The following PCSK6 variants were observed in gnomAD, a reference collection of about 807,000 sequenced individuals.
PCSK6 encodes proprotein convertase subtilisin/kexin type 6, also known as paired basic amino acid cleaving enzyme 4.
PCSK6 carries 85 observed loss-of-function variants against 123.3 expected under a neutral mutation model. The observed-to-expected ratio is 0.69, with a 90% CI of 0.58 to 0.83. The LOEUF (loss-of-function observed/expected upper bound fraction) is 0.83. Among genes scored for constraint, PCSK6 ranks in the 40% least tolerant of loss-of-function variants. The pLI is 0.00. For missense variants in PCSK6, 1,191 were observed against 1,282.3 expected, an observed-to-expected ratio of 0.93 and a Z score of 1.09; for synonymous variants, 508 against 516.0, an observed-to-expected ratio of 0.98 and a Z score of 0.21.
Position 101,489,431 on chromosome 15 carries a change from GC to G in PCSK6, c.239del (p.Gly80AlafsTer41). On this transcript the variant is annotated frameshift_variant, in exon 1 of 22. Transcript: ENST00000611716. LOFTEE classifies it high-confidence loss of function. ...CCACGCGGTCCGCCTCGGCCGGGCC[GC>G]CCAGCACTTGCACCGCCCAGTGGTT... ...YTNHWAVQVL[G>X]GPAEADRVAA... 3 of 1,275,148 alleles carry G rather than the reference GC, an allele frequency of 2.4e-6. No individual in the cohort carries two copies. Among genetic ancestry groups the G allele is most frequent in the Non-Finnish European group, 1.0e-6 (1 of 997,438 alleles). The allele number at this position is 1,275,148 out of a possible 1,614,324, so 79.0% of individuals were successfully genotyped here.
At chr15:101,315,853 C>T (rs1325180003) in intron 19 of PCSK6, among the ~76,000 whole-genome samples, 2 of 152,262 alleles carry the variant, frequency 1.3e-5, no homozygotes, top group Non-Finnish European at 2.9e-5. Flanking sequence ...TTACAACCTC[C>T]ATGCCAGGAC....
chr15:101,322,273 C>T (rs530073825), intron 18 of PCSK6, among the ~76,000 whole-genome samples: 204 of 152,308 alleles, frequency 1.3e-3, no homozygotes, highest in African/African-American at 4.8e-3. Flanking sequence ...CTGTGCTGTA[C>T]GTGATGTGAT....
chr15:101,488,772 C>T (rs2058082153), intron 1 of PCSK6, among the ~76,000 whole-genome samples: 1 of 151,854 alleles, frequency 6.6e-6, no homozygotes, highest in African/African-American at 2.4e-5. Flanking sequence ...CCGACGGCGG[C>T]CGGGCTCCAG....
chr15:101,411,539 G>A (rs944698646), intron 6 of PCSK6, among the ~76,000 whole-genome samples: 2 of 152,160 alleles, frequency 1.3e-5, no homozygotes, highest in Non-Finnish European at 2.9e-5. Context: ...AGGGGTGGAC[G>A]ACCAAGAAGC....
At chr15:101,366,409 G>T (rs2041392845) in intron 12 of PCSK6, 77 bp from the exon 13 acceptor site, 1 of 1,471,458 alleles carries the variant, frequency 6.8e-7, no homozygotes. Flanking sequence ...CACAAGCAGG[G>T]CTCTCGGGGG....
At chr15:101,405,534 A>C (rs957899442) in intron 6 of PCSK6, among the ~76,000 whole-genome samples, 1 of 152,186 alleles carries the variant, frequency 6.6e-6, no homozygotes, top group Admixed American at 6.5e-5. Flanking sequence ...GCAGCTGCCC[A>C]CAGAAGCTCC....
intron 11 of PCSK6, among the ~76,000 whole-genome samples, chr15:101,379,336 A>T (rs2041845089): frequency 6.6e-6 from 1 of 152,162 alleles, no homozygotes; most frequent in Admixed American, 6.5e-5. Context: ...ACCATGTGTG[A>T]CGTCACCATA....
At chr15:101,384,517 C>T (rs958462891) in intron 9 of PCSK6, 92 bp from the exon 10 acceptor site, 41 of 964,740 alleles carry the variant, frequency 4.2e-5, no homozygotes, top group East Asian at 1.5e-4. Context: ...AGCCAACCCA[C>T]GTCTGAACTT....
In PCSK6 at chr15:101,305,410, G is replaced by T; in HGVS notation, c.2813-55C>A. The T allele has an allele frequency of 2.0e-6, 3 of 1,465,888 alleles. No homozygotes were observed. The highest frequency in any genetic ancestry group is 2.8e-6 in the Non-Finnish European group (3 of 1,064,164). 90.8% of individuals were successfully genotyped at this position (1,465,888 alleles called of 1,614,324 possible). A position where few individuals can be genotyped will look rare whatever the true frequency, so the allele number is the denominator to read the frequency against. ...AGGGAAAGGTCAGTCTTCGGTGCCT[G>T]TGAAGATTGTTTCAAGGCCGGGCGC... is the stretch of plus-strand genomic sequence containing the variant. On this transcript the variant is annotated intron_variant, in intron 21 of 21. Coordinates refer to ENST00000611716, the MANE Select transcript of PCSK6 (RefSeq NM_002570.5). This position sits in a 1 kb window ranked among gnomAD's most constrained non-coding sequence, Gnocchi z 4.8.
intron 6 of PCSK6, among the ~76,000 whole-genome samples, chr15:101,413,568 C>T (rs975867975): frequency 2.0e-5 from 3 of 152,214 alleles, no homozygotes; most frequent in African/African-American, 7.2e-5. Context: ...TATTAACCAT[C>T]TAAATATAGT....
intron 12 of PCSK6, among the ~76,000 whole-genome samples, chr15:101,370,059 A>G (rs114524031): frequency 0.024 from 3,669 of 152,344 alleles, 96 homozygotes; most frequent in African/African-American, 0.066. Flanking sequence ...GCTAAACAAC[A>G]AAAAACGAAA....
chr15:101,317,770 C>A (rs2040025750), intron 19 of PCSK6, among the ~76,000 whole-genome samples: 1 of 152,196 alleles, frequency 6.6e-6, no homozygotes, highest in African/African-American at 2.4e-5. Flanking sequence ...CTAATGAGAA[C>A]CTCAGGCTGC....
Position 101,455,875 on chromosome 15 carries a change from G to A in PCSK6, c.298-12215C>T, listed in dbSNP as rs1275241999. ...CCGGTTGCAAAGCATATCTTGGCTT[G>A]TAAACTAAAAATAGACTTTGTGCAA... On this transcript the variant is annotated intron_variant, in intron 1 of 21. Transcript: ENST00000611716. Among the ~76,000 whole-genome samples, 9 of 152,204 alleles carry A rather than the reference G, an allele frequency of 5.9e-5. No homozygotes were observed. In the East Asian group the frequency reaches 7.7e-4, roughly 13 times the overall value.
intron 6 of PCSK6, among the ~76,000 whole-genome samples, chr15:101,425,139 A>G (rs2056212711): frequency 6.6e-6 from 1 of 152,184 alleles, no homozygotes; most frequent in African/African-American, 2.4e-5. Context: ...GAGAGTGCTG[A>G]GGAGACAATT....
Position 101,480,427 on chromosome 15 carries a change from C to T in PCSK6, c.297+8947G>A, listed in dbSNP as rs149533852. Among the ~76,000 whole-genome samples the T allele has an allele frequency of 1.1e-3, 172 of 152,350 alleles. 4 individuals carry two copies. In the East Asian group the frequency reaches 0.024, roughly 22 times the overall value. On this transcript the variant is annotated intron_variant, in intron 1 of 21. Coordinates refer to ENST00000611716, the MANE Select transcript of PCSK6 (RefSeq NM_002570.5). ...AAGACAATGAGACTTTCTTCCTTTC[C>T]ACGGTGCCCCTGTCTTGACACTGAG...
chr15:101,397,514 C>G (rs2042448206), intron 7 of PCSK6, among the ~76,000 whole-genome samples: 1 of 152,170 alleles, frequency 6.6e-6, no homozygotes, highest in Non-Finnish European at 1.5e-5. Context: ...CCATCCCCCA[C>G]AGGAGGAGTC....
In PCSK6 at chr15:101,489,427, G is replaced by T; in HGVS notation, c.244C>A (p.Pro82Thr). 1 of 1,279,918 alleles carries T rather than the reference G, an allele frequency of 7.8e-7. No homozygotes were observed. The highest frequency in any genetic ancestry group is 1.0e-6 in the Non-Finnish European group (1 of 1,000,068). The allele number at this position is 1,279,918 out of a possible 1,614,324, so 79.3% of individuals were successfully genotyped here. The change falls in exon 1 of 22, where the codon CCG (proline) becomes ACG (threonine). Residue 82 changes from proline to threonine, a missense_variant. Physicochemically the swap from Pro to Thr is conservative, Grantham distance 38 (BLOSUM62 -1). This residue lies in a region of PCSK6 where 204 missense variants were observed against 166.4 expected (regional missense o/e 1.23). Coordinates refer to ENST00000611716, the MANE Select transcript of PCSK6 (RefSeq NM_002570.5). ...NHWAVQVLGGPAEADRVAAAH... is the reference protein window; with the variant it reads ...NHWAVQVLGGTAEADRVAAAH... ...GCCGCCACGCGGTCCGCCTCGGCCG[G>T]GCCGCCCAGCACTTGCACCGCCCAG...
chr15:101,348,785 G>A (rs2040814606), intron 13 of PCSK6, among the ~76,000 whole-genome samples: 1 of 152,148 alleles, frequency 6.6e-6, no homozygotes. Context: ...CCAGGAAGCG[G>A]CCAGCTGAAC....
intron 9 of PCSK6, among the ~76,000 whole-genome samples, 181 bp downstream of exon 9, chr15:101,389,283 T>A (rs1054373421): frequency 6.6e-6 from 1 of 152,210 alleles, no homozygotes; most frequent in Non-Finnish European, 1.5e-5. Flanking sequence ...GGCAGAGGGT[T>A]CCAGCCTGGG....
Sources: gnomAD v4.1 joint callset for allele counts (sites outside exome capture counted in the v4.1 genomes callset) on GRCh38, gnomAD v4.1.1 for gene constraint, gnomAD v4.1.1 regional missense constraint, Gnocchi (gnomAD v3.1) non-coding constraint, MANE v1.5 for transcripts, NCBI Gene and HGNC (gene_info 2026-07-23, HGNC 2026-07-21) for gene names.